Variants in EPHA6 observed in about 807,000 individuals in gnomAD.
EPHA6 encodes the protein ephrin type-A receptor 6.
EPHA6 carries 50 observed loss-of-function variants against 112.0 expected under a neutral mutation model. The observed-to-expected ratio is 0.45, with a 90% confidence interval of 0.36 to 0.56. The LOEUF (loss-of-function observed/expected upper bound fraction) is 0.56. EPHA6 is among the 20% of genes least tolerant of loss of function. The probability of loss-of-function intolerance (pLI) is 0.00; values close to 1 mark genes in which losing one functional copy is unlikely to be tolerated. For synonymous variants in EPHA6, 529 were observed against 490.7 expected, an observed-to-expected ratio of 1.08 and a Z score of -1.03; for missense variants, 1,280 against 1,417.4, an observed-to-expected ratio of 0.90 and a Z score of 1.56.
chr3:97,448,589 T>G lies in EPHA6; in HGVS notation c.1753T>G (p.Ser585Ala). The G allele has an allele frequency of 3.1e-6, 5 of 1,613,500 alleles. No homozygotes were observed. Among genetic ancestry groups the G allele is most frequent in the Non-Finnish European group, 4.2e-6 (5 of 1,179,532 alleles). Residue 585 changes from serine (S) to alanine (A), a missense_variant, in exon 7 of 18, where the codon TCT becomes GCT. Ser to Ala is a moderately conservative substitution (Grantham distance 99). Around this residue, in one of 4 missense-constraint regions of EPHA6, gnomAD observed 878 missense variants for 999.7 expected, o/e 0.88. Coordinates refer to ENST00000389672, the MANE Select transcript of EPHA6 (RefSeq NM_001080448.3). ...CCAGGAACATGAGCAGCTGACCTAC[T>G]CTTCCACAAGGTCCAAAGCCCCCAG... ...YEKEHEQLTYSSTRSKAPSVI... is the reference protein window; with the variant it reads ...YEKEHEQLTYASTRSKAPSVI...
chr3:97,332,619 G>T (rs1350976196), intron 5 of EPHA6, among the ~76,000 whole-genome samples: 1 of 152,076 alleles, frequency 6.6e-6, no homozygotes, highest in East Asian at 1.9e-4. Flanking sequence ...ATGTATGTCA[G>T]TCTGTAATTC....
At chr3:97,440,978 C>T (rs757495980) in intron 6 of EPHA6, among the ~76,000 whole-genome samples, 4 of 151,702 alleles carry the variant, frequency 2.6e-5, no homozygotes, top group Non-Finnish European at 5.9e-5. Context: ...TTGAATATAG[C>T]GTAAAATAAT....
At chr3:97,605,192 G>C (rs965388556) in intron 12 of EPHA6, among the ~76,000 whole-genome samples, 1 of 151,348 alleles carries the variant, frequency 6.6e-6, no homozygotes, top group African/African-American at 2.4e-5. Context: ...TTTTTTTAAA[G>C]TATATGATTT....
intron 1 of EPHA6, among the ~76,000 whole-genome samples, chr3:96,843,126 G>T (rs2034850458): frequency 6.6e-6 from 1 of 152,000 alleles, no homozygotes; most frequent in Non-Finnish European, 1.5e-5. Flanking sequence ...CTTGTTTTCA[G>T]CTTGTCCAAG....
At chr3:97,024,194 A>C (rs1289285199) in intron 3 of EPHA6, among the ~76,000 whole-genome samples, 1 of 137,914 alleles carries the variant, frequency 7.3e-6, no homozygotes, top group Non-Finnish European at 1.7e-5. Flanking sequence ...TTACTTCTCA[A>C]CCATATCTTT....
At chr3:97,522,768 A>G (rs1172223910) in intron 10 of EPHA6, among the ~76,000 whole-genome samples, 1 of 152,042 alleles carries the variant, frequency 6.6e-6, no homozygotes, top group Admixed American at 6.6e-5. Flanking sequence ...TTGTCCTCGT[A>G]GATTCCATGT....
rs1182826876 is a variant in EPHA6 at position 97,404,018 on chromosome 3, T to C, written c.1607-1132T>C. Among the ~76,000 whole-genome samples the C allele has an allele frequency of 3.9e-5, 6 of 152,208 alleles. No homozygotes were observed. In the East Asian group the frequency reaches 1.2e-3, roughly 29 times the overall value. On this transcript the variant is annotated intron_variant, in intron 5 of 17. Coordinates refer to ENST00000389672, the MANE Select transcript of EPHA6 (RefSeq NM_001080448.3). The stretch of plus-strand genomic sequence containing the variant: ...TATAGATAGCCATAATTCCTTTTTA[T>C]AACTTCATAATTCTCTAGTGGATAT...
chr3:97,201,568 A>C (rs1396701921), intron 3 of EPHA6, among the ~76,000 whole-genome samples: 1 of 152,046 alleles, frequency 6.6e-6, no homozygotes, highest in African/African-American at 2.4e-5. Context: ...TATTAAAGTG[A>C]ACATCTCTAC....
intron 3 of EPHA6, among the ~76,000 whole-genome samples, chr3:97,110,587 C>A (rs184603797): frequency 6.6e-6 from 1 of 152,020 alleles, no homozygotes; most frequent in Non-Finnish European, 1.5e-5. Flanking sequence ...TGCAGTGGTG[C>A]AATCTCTGTT....
chr3:96,906,518 T>C (rs1364751447), intron 2 of EPHA6, among the ~76,000 whole-genome samples: 1 of 152,094 alleles, frequency 6.6e-6, no homozygotes, highest in East Asian at 1.9e-4. Context: ...GAACTCATTG[T>C]ATTACAGATA....
chr3:97,387,321 T>G (rs981036842), intron 5 of EPHA6, among the ~76,000 whole-genome samples: 3 of 152,038 alleles, frequency 2.0e-5, no homozygotes, highest in Non-Finnish European at 2.9e-5. Context: ...ATTCAGTTTT[T>G]TTTTTTTTTT....
intron 3 of EPHA6, among the ~76,000 whole-genome samples, chr3:97,014,020 G>T (rs529530915): frequency 1.3e-5 from 2 of 152,022 alleles, no homozygotes; most frequent in Non-Finnish European, 2.9e-5. Context: ...CTGAATTTAT[G>T]CTGAATGGTG....
Position 97,747,458 on chromosome 3 carries a change from C to A in EPHA6, c.3164C>A (p.Pro1055His). The A allele has an allele frequency of 6.3e-7, 1 of 1,594,962 alleles. No homozygotes were observed. The highest frequency in any genetic ancestry group is 8.5e-7 in the Non-Finnish European group (1 of 1,170,166). Reference sequence around the variant, plus strand: ...TCCCCTGGTGAAGTTCCGGAATATCCTTTGTTTGTCACAGTTGGTGACTGG... The same window carrying A: ...TCCCCTGGTGAAGTTCCGGAATATCATTTGTTTGTCACAGTTGGTGACTGG... Reference protein sequence around the residue: ...PESPGEVPEYPLFVTVGDWLD... With the variant: ...PESPGEVPEYHLFVTVGDWLD... Residue 1055 changes from proline to histidine, a missense_variant, in exon 17 of 18, where the codon CCT (proline) becomes CAT (histidine). By Grantham distance (77) the Pro-to-His change is moderately conservative. Coordinates refer to ENST00000389672, the MANE Select transcript of EPHA6 (RefSeq NM_001080448.3).
chr3:97,416,256 A>G (rs191802969), intron 6 of EPHA6, among the ~76,000 whole-genome samples: 5 of 152,252 alleles, frequency 3.3e-5, no homozygotes, highest in Admixed American at 3.3e-4. Flanking sequence ...CAGATCCAGA[A>G]TTATTTCCTT....
At chr3:97,379,515 C>G (rs561912326) in intron 5 of EPHA6, among the ~76,000 whole-genome samples, 1 of 151,846 alleles carries the variant, frequency 6.6e-6, no homozygotes, top group Admixed American at 6.6e-5. Flanking sequence ...CTTTGGGAGG[C>G]TGAGGTGGGT....
intron 3 of EPHA6, among the ~76,000 whole-genome samples, chr3:97,191,373 A>T (rs1179437741): frequency 6.6e-6 from 1 of 151,962 alleles, no homozygotes. Flanking sequence ...ATTATTATTG[A>T]CCATAATGAC....
chr3:97,052,515 T>C (rs891668343), intron 3 of EPHA6, among the ~76,000 whole-genome samples: 25 of 152,162 alleles, frequency 1.6e-4, no homozygotes, highest in African/African-American at 6.0e-4. Flanking sequence ...GTCTGCAACA[T>C]AGTCGCCACT....
In EPHA6 at chr3:97,434,636, G is replaced by C. The variant is rs149089579; in HGVS notation, c.1732-13932G>C. Among the ~76,000 whole-genome samples, 3 of 152,074 alleles carry C rather than the reference G, an allele frequency of 2.0e-5. No individual in the cohort carries two copies. In the East Asian group the frequency reaches 5.8e-4, roughly 29 times the overall value. ...CAGAATAATGTTTAATCTTGTTCCAGGTATCTATTATTGCATAATTTTTAA... is the reference window on the plus strand; with the variant it reads ...CAGAATAATGTTTAATCTTGTTCCACGTATCTATTATTGCATAATTTTTAA... On this transcript the variant is annotated intron_variant, in intron 6 of 17. Transcript: ENST00000389672.
In EPHA6 at chr3:97,437,097, T is replaced by A. The variant is rs766784449; in HGVS notation, c.1732-11471T>A. Among the ~76,000 whole-genome samples, 57 of 152,098 alleles carry A rather than the reference T, an allele frequency of 3.7e-4. 1 individual carries two copies. The highest frequency in any genetic ancestry group is 6.8e-4 in the Non-Finnish European group (46 of 67,978). The stretch of plus-strand genomic sequence containing the variant: ...ATCAGCTATCATTAGTGTTGGTGTA[T>A]TTTATGTGTGGCCCAAGACAGTTCT... On this transcript the variant is annotated intron_variant, in intron 6 of 17. Coordinates refer to ENST00000389672, the MANE Select transcript of EPHA6 (RefSeq NM_001080448.3).
Sources: gnomAD v4.1 joint callset for allele counts (sites outside exome capture counted in the v4.1 genomes callset) on GRCh38, gnomAD v4.1.1 for gene constraint, gnomAD v4.1.1 regional missense constraint, MANE v1.5 for transcripts, NCBI Gene and HGNC (gene_info 2026-07-23, HGNC 2026-07-21) for gene names.